The following JARID2 variants were observed in gnomAD, a reference collection of about 807,000 sequenced individuals.
The protein encoded by JARID2 is jumonji and AT-rich interaction domain containing 2.
Under a neutral mutation model 125.6 loss-of-function variants are expected in JARID2, and 21 were observed. The observed-to-expected ratio is 0.17, with a 90% CI of 0.12 to 0.24. The LOEUF is 0.24. JARID2 is among the 10% of genes least tolerant of loss of function. The pLI, the probability that JARID2 is intolerant of heterozygous loss-of-function variation, is 1.00. For missense variants in JARID2, 1,303 were observed against 1,639.6 expected, an observed-to-expected ratio of 0.79 and a Z score of 3.55; for synonymous variants, 736 against 661.6, an observed-to-expected ratio of 1.11 and a Z score of -1.73.
rs772741099 is a variant in JARID2, at chr6:15,497,074, C to T, written c.1849C>T (p.Leu617=). 5 of 1,600,530 alleles carry T rather than the reference C, an allele frequency of 3.1e-6. No individual in the cohort carries two copies. In the African/African-American group the frequency reaches 4.0e-5, roughly 13 times the overall value. The change falls in exon 7 of 18, where the codon CTG becomes TTG. Residue 617 remains leucine, a synonymous_variant. Transcript: ENST00000341776. ...CACGCAGATTCAGCACATCCACAAG[C>T]TGGGCCGGCGCTGGGGCCCCAACGT... ...FVTQIQHIHK[L]GRRWGPNVQR...
intron 3 of JARID2, among the ~76,000 whole-genome samples, chr6:15,429,356 C>T (rs1766874530): frequency 6.6e-6 from 1 of 151,668 alleles, no homozygotes; most frequent in African/African-American, 2.4e-5. Context: ...ACCTTGGATT[C>T]CTGGGCTCAA....
chr6:15,311,445 C>T (rs1246699968), intron 1 of JARID2, among the ~76,000 whole-genome samples: 2 of 152,176 alleles, frequency 1.3e-5, no homozygotes, highest in African/African-American at 4.8e-5. Context: ...GGCATGGTGG[C>T]GCATGCCTGT....
In JARID2 at chr6:15,263,392, T is replaced by G. The variant is rs1188379735; in HGVS notation, c.45+16808T>G. Among the ~76,000 whole-genome samples, 3 of 152,122 alleles carry G rather than the reference T, an allele frequency of 2.0e-5. No homozygotes were observed. The East Asian group carries it at 5.8e-4, about 29-fold the overall frequency. On this transcript the variant is annotated intron_variant, in intron 1 of 17. Coordinates refer to ENST00000341776, the MANE Select transcript of JARID2 (RefSeq NM_004973.4). ...GAAATTATCCCTGATTTTCTTCTCC[T>G]TCCAAGCCTGCTGAACCAAAAATGG... is the stretch of plus-strand genomic sequence containing the variant.
intron 3 of JARID2, among the ~76,000 whole-genome samples, chr6:15,416,469 C>T (rs1170625017): frequency 1.4e-4 from 22 of 152,138 alleles, no homozygotes; most frequent in Admixed American, 1.4e-3. Flanking sequence ...GCGGATCACT[C>T]GCGGTTAGGA....
chr6:15,430,310 T>C (rs1229470454), intron 3 of JARID2, among the ~76,000 whole-genome samples: 2 of 152,222 alleles, frequency 1.3e-5, no homozygotes, highest in Non-Finnish European at 2.9e-5. Context: ...ATGACCACTT[T>C]ATAGAATATT....
chr6:15,480,541 C>T (rs566904679), intron 5 of JARID2, among the ~76,000 whole-genome samples: 61 of 152,172 alleles, frequency 4.0e-4, no homozygotes, highest in Non-Finnish European at 6.9e-4. Context: ...TTCTGGGAGG[C>T]GCTTGGAGAC....
intron 1 of JARID2, among the ~76,000 whole-genome samples, chr6:15,293,744 G>A (rs1384858921): frequency 6.6e-6 from 1 of 152,184 alleles, no homozygotes; most frequent in Non-Finnish European, 1.5e-5. Flanking sequence ...CACTTTCTGT[G>A]GGAATGTGTC....
At chr6:15,322,374 C>T (rs1231593984) in intron 1 of JARID2, among the ~76,000 whole-genome samples, 1 of 152,230 alleles carries the variant, frequency 6.6e-6, no homozygotes, top group Non-Finnish European at 1.5e-5. Flanking sequence ...ACTATTATCA[C>T]TCTCTGGACC....
chr6:15,366,778 G>A (rs778546201), intron 1 of JARID2, among the ~76,000 whole-genome samples: 1 of 151,810 alleles, frequency 6.6e-6, no homozygotes, highest in Non-Finnish European at 1.5e-5. Flanking sequence ...AGCACCTTCC[G>A]TAAGTGCACC....
At chr6:15,492,543 C>A (rs975095676) in intron 6 of JARID2, among the ~76,000 whole-genome samples, 9 of 152,226 alleles carry the variant, frequency 5.9e-5, no homozygotes, top group Admixed American at 5.9e-4. Flanking sequence ...TCCTTATAGA[C>A]AAGTCCAGGC....
At chr6:15,462,881 C>G (rs893356946) in intron 4 of JARID2, among the ~76,000 whole-genome samples, 1 of 152,190 alleles carries the variant, frequency 6.6e-6, no homozygotes, top group African/African-American at 2.4e-5. Flanking sequence ...AGAAAGCAAG[C>G]TTTTGGATTA....
intron 2 of JARID2, among the ~76,000 whole-genome samples, chr6:15,386,215 A>G (rs1015850411): frequency 2.0e-5 from 3 of 152,016 alleles, no homozygotes; most frequent in Non-Finnish European, 4.4e-5. Context: ...TTCTGACTCC[A>G]GATAGCTATC....
chr6:15,512,592 G>A (rs1322228341), intron 14 of JARID2, among the ~76,000 whole-genome samples: 2 of 152,198 alleles, frequency 1.3e-5, no homozygotes, highest in Non-Finnish European at 2.9e-5. Context: ...ATCACAAAGA[G>A]TTTTGATCAG....
At chr6:15,473,289 C>T (rs1005270668) in intron 5 of JARID2, among the ~76,000 whole-genome samples, 1 of 152,166 alleles carries the variant, frequency 6.6e-6, no homozygotes, top group African/African-American at 2.4e-5. Context: ...GACGTAAGCG[C>T]TCTGAAAGAT....
chr6:15,255,087 C>T (rs1226730156), intron 1 of JARID2, among the ~76,000 whole-genome samples: 1 of 151,118 alleles, frequency 6.6e-6, no homozygotes, highest in Non-Finnish European at 1.5e-5. Context: ...TTTTGCCCCT[C>T]CATACTCCCA....
At chr6:15,350,730 GT>G (rs538674872) in intron 1 of JARID2, among the ~76,000 whole-genome samples, 5,186 of 130,350 alleles carry the variant, frequency 0.04, 77 homozygotes, top group South Asian at 0.12. Context: ...ATAGTTTAAG[GT>G]TTTTTTTTTT....
At chr6:15,407,747 A>G (rs1412753409) in intron 2 of JARID2, among the ~76,000 whole-genome samples, 2 of 152,038 alleles carry the variant, frequency 1.3e-5, no homozygotes, top group Non-Finnish European at 2.9e-5. Context: ...TGGCTCACTC[A>G]TTATCCTCTC....
In JARID2 at chr6:15,441,313, C is replaced by T. The variant is rs368805095; in HGVS notation, c.324-10693C>T. ...TAGACCTACTTTCTGTAAATAGTGG[C>T]TGGGTTCTTAACTGGCACCAGATTT... On this transcript the variant is annotated intron_variant, in intron 3 of 17. Coordinates refer to ENST00000341776, the MANE Select transcript of JARID2 (RefSeq NM_004973.4). Among the ~76,000 whole-genome samples the T allele has an allele frequency of 1.1e-4, 16 of 152,282 alleles. No individual in the cohort carries two copies. The East Asian group carries it at 2.9e-3, about 28-fold the overall frequency.
intron 5 of JARID2, among the ~76,000 whole-genome samples, chr6:15,477,660 C>T (rs192627958): frequency 1.4e-4 from 22 of 152,254 alleles, no homozygotes; most frequent in Non-Finnish European, 3.1e-4. Context: ...AGCACTGACA[C>T]ACTTATGGCT....
Sources: gnomAD v4.1 joint callset for allele counts (sites outside exome capture counted in the v4.1 genomes callset) on GRCh38, gnomAD v4.1.1 for gene constraint, MANE v1.5 for transcripts, NCBI Gene and HGNC (gene_info 2026-07-23, HGNC 2026-07-21) for gene names.